ANK3: variants seen among roughly 807,000 people sequenced by gnomAD.
ANK3 encodes the protein ankyrin 3, also known as ankyrin-3.
A neutral mutation model predicts 370.9 loss-of-function variants in ANK3; 57 were observed. The ratio of observed to expected loss-of-function variants is 0.15; its 90% CI spans 0.12 to 0.19. The LOEUF (loss-of-function observed/expected upper bound fraction) is 0.19, where lower values mean the gene tolerates loss of function less well. ANK3 is among the 10% of genes least tolerant of loss of function. The pLI, the probability that ANK3 is intolerant of heterozygous loss-of-function variation, is 1.00. For missense variants in ANK3, 4,439 were observed against 5,302.1 expected, an observed-to-expected ratio of 0.84 and a Z score of 5.06; for synonymous variants, 1,929 against 1,946.3, an observed-to-expected ratio of 0.99 and a Z score of 0.23.
chr10:60,313,772 T>A (rs1593534378), intron 1 of ANK3, among the ~76,000 whole-genome samples: 1 of 152,286 alleles, frequency 6.6e-6, no homozygotes, highest in East Asian at 1.9e-4. Context: ...GTCCAACAGT[T>A]GACATTGAAC....
rs1001969058 is a variant in ANK3 at position 60,297,916 on chromosome 10, C to T, written c.115-18277G>A. Among the ~76,000 whole-genome samples, 4 of 152,138 alleles carry T rather than the reference C, an allele frequency of 2.6e-5. No individual in the cohort carries two copies. In the South Asian group the frequency reaches 8.3e-4, roughly 32 times the overall value. On this transcript the variant is annotated intron_variant, in intron 1 of 43. Transcript: ENST00000280772. ...ACTATATAAAATATCCTACTTGCCC[C>T]CAATTTTCTTAAGTGAAAATCAACA...
chr10:60,555,503 T>C (rs982787879), intron 2 of ANK3, among the ~76,000 whole-genome samples: 2 of 151,778 alleles, frequency 1.3e-5, no homozygotes, highest in South Asian at 4.2e-4. Flanking sequence ...AAAAAGAAAT[T>C]ACAAAATTTT....
chr10:60,513,238 G>A (rs2133166593), intron 2 of ANK3, among the ~76,000 whole-genome samples: 1 of 152,208 alleles, frequency 6.6e-6, no homozygotes, highest in East Asian at 1.9e-4. Flanking sequence ...AATGAATAAA[G>A]ACACATCTAG....
intron 2 of ANK3, among the ~76,000 whole-genome samples, chr10:60,588,915 C>T (rs1481790612): frequency 2.0e-5 from 3 of 151,948 alleles, no homozygotes; most frequent in Non-Finnish European, 4.4e-5. Context: ...GTCTCAAAAA[C>T]AAACACCAAA....
intron 1 of ANK3, among the ~76,000 whole-genome samples, chr10:60,334,250 A>G (rs1289424960): frequency 2.0e-5 from 3 of 152,174 alleles, no homozygotes; most frequent in Non-Finnish European, 4.4e-5. Flanking sequence ...GTTTATTTTG[A>G]CCACATAAAA....
intron 2 of ANK3, among the ~76,000 whole-genome samples, chr10:60,550,906 A>G (rs565550883): frequency 6.6e-6 from 1 of 152,222 alleles, no homozygotes; most frequent in East Asian, 1.9e-4. Context: ...CATTCCAAAT[A>G]TTATGCAATG....
At chr10:60,170,255 C>A (rs2095748038) in intron 21 of ANK3, among the ~76,000 whole-genome samples, 1 of 152,206 alleles carries the variant, frequency 6.6e-6, no homozygotes, top group South Asian at 2.1e-4. Flanking sequence ...ATTTTACTCA[C>A]ATGGAAAAGA....
intron 1 of ANK3, among the ~76,000 whole-genome samples, chr10:60,337,807 TACTC>T (rs2053358985): frequency 6.6e-6 from 1 of 152,244 alleles, no homozygotes; most frequent in Admixed American, 6.5e-5. Flanking sequence ...TAATTCTTAT[TACTC>T]ACACATCCTG....
chr10:60,500,908 A>G (rs963026923), intron 2 of ANK3, among the ~76,000 whole-genome samples: 1 of 152,190 alleles, frequency 6.6e-6, no homozygotes, highest in African/African-American at 2.4e-5. Context: ...TGTGGTAATT[A>G]TATCCTGTTA....
intron 1 of ANK3, among the ~76,000 whole-genome samples, chr10:60,654,669 A>G (rs1487120009): frequency 6.6e-6 from 1 of 152,200 alleles, no homozygotes; most frequent in Admixed American, 6.5e-5. Flanking sequence ...TTTAAAAAAT[A>G]TATTATTGGG....
At chr10:60,491,208 A>G (rs1481365021) in intron 2 of ANK3, among the ~76,000 whole-genome samples, 1 of 152,188 alleles carries the variant, frequency 6.6e-6, no homozygotes. Flanking sequence ...CTAGTTTTTT[A>G]ATAATATGAC....
chr10:60,058,679 T>C (rs1220778535), intron 41 of ANK3, among the ~76,000 whole-genome samples: 1 of 152,218 alleles, frequency 6.6e-6, no homozygotes, highest in African/African-American at 2.4e-5. Context: ...GTTTTAATAA[T>C]GAGCATATTT....
intron 2 of ANK3, among the ~76,000 whole-genome samples, chr10:60,494,494 T>C (rs2075603023): frequency 6.6e-6 from 1 of 152,192 alleles, no homozygotes; most frequent in Non-Finnish European, 1.5e-5. Flanking sequence ...TGTATTAAAA[T>C]ATTCATGATT....
At chr10:60,703,707 C>T (rs1350786578) in intron 1 of ANK3, among the ~76,000 whole-genome samples, 1 of 152,042 alleles carries the variant, frequency 6.6e-6, no homozygotes, top group African/African-American at 2.4e-5. Flanking sequence ...TATCTACCAC[C>T]TAGTATAAAA....
At chr10:60,265,553 A>G (rs1176797267) in intron 5 of ANK3, among the ~76,000 whole-genome samples, 1 of 151,446 alleles carries the variant, frequency 6.6e-6, no homozygotes, top group Non-Finnish European at 1.5e-5. Flanking sequence ...AGGTTTCATT[A>G]TTATATACTC....
intron 1 of ANK3, among the ~76,000 whole-genome samples, chr10:60,329,117 A>G (rs2050599551): frequency 6.6e-6 from 1 of 152,236 alleles, no homozygotes; most frequent in African/African-American, 2.4e-5. Flanking sequence ...TGAATTAGGT[A>G]TTGATGGAAC....
chr10:60,624,949 C>T (rs961155635), intron 1 of ANK3, among the ~76,000 whole-genome samples: 1 of 152,140 alleles, frequency 6.6e-6, no homozygotes, highest in Admixed American at 6.6e-5. Context: ...GTACGCGTGA[C>T]TTCAATTCCT....
At chr10:60,600,069 A>T (rs1309046577) in intron 2 of ANK3, among the ~76,000 whole-genome samples, 2 of 152,200 alleles carry the variant, frequency 1.3e-5, no homozygotes, top group African/African-American at 4.8e-5. Flanking sequence ...GTACACTCAG[A>T]AAAATGGCTT....
intron 22 of ANK3, 29 bp from the exon 23 acceptor site, chr10:60,166,682 G>T: frequency 6.2e-7 from 1 of 1,608,470 alleles, no homozygotes; most frequent in Non-Finnish European, 8.5e-7. Flanking sequence ...CAATATAAGT[G>T]GATGAAAAAT....
Sources: gnomAD v4.1 joint callset for allele counts (sites outside exome capture counted in the v4.1 genomes callset) on GRCh38, gnomAD v4.1.1 for gene constraint, MANE v1.5 for transcripts, NCBI Gene and HGNC (gene_info 2026-07-23, HGNC 2026-07-21) for gene names.